The following SORCS1 variants were observed in gnomAD, a reference collection of about 807,000 sequenced individuals.
SORCS1 encodes sortilin related VPS10 domain containing receptor 1, also known as VPS10 domain-containing receptor SorCS1.
In SORCS1, 60 loss-of-function variants were observed where a neutral mutation model predicts 146.1. The ratio of observed to expected loss-of-function variants is 0.41; its 90% CI spans 0.33 to 0.51. SORCS1 has a LOEUF of 0.51. SORCS1 is among the 20% of genes least tolerant of loss of function. The probability of loss-of-function intolerance (pLI) is 0.21; values close to 1 mark genes in which losing one functional copy is unlikely to be tolerated. For synonymous variants in SORCS1, 637 were observed against 584.0 expected (o/e 1.09, Z -1.31); for missense variants, 1,352 against 1,487.6 (o/e 0.91, Z 1.50).
At chr10:106,871,287 T>C (rs1453842603) in intron 2 of SORCS1, among the ~76,000 whole-genome samples, 1 of 152,174 alleles carries the variant, frequency 6.6e-6, no homozygotes, top group Non-Finnish European at 1.5e-5. Context: ...TGGAAAGCAG[T>C]ATGGCGATTC....
rs1950200193 is a variant in SORCS1 at position 106,865,696 on chromosome 10, C to T, written c.627-36023G>A. Among the ~76,000 whole-genome samples the T allele has an allele frequency of 2.0e-5, 3 of 150,322 alleles. No individual in the cohort carries two copies. The South Asian group carries it at 6.3e-4, about 32-fold the overall frequency. ...CCAAGATTGTGCCATTTCACTCCAG[C>T]CTGGGCGAGAGAGCAAGACTCCATC... On this transcript the variant is annotated intron_variant, in intron 2 of 25. Coordinates refer to ENST00000263054, the MANE Select transcript of SORCS1 (RefSeq NM_052918.5).
intron 2 of SORCS1, among the ~76,000 whole-genome samples, chr10:106,909,768 T>C (rs574598005): frequency 1.6e-4 from 24 of 152,340 alleles, no homozygotes; most frequent in Non-Finnish European, 1.9e-4. Flanking sequence ...GGACCTCCAC[T>C]GTCCATGAAA....
At chr10:106,667,339 T>C (rs764767896) in intron 17 of SORCS1, 9 of 194,740 alleles carry the variant, frequency 4.6e-5, no homozygotes, top group Non-Finnish European at 8.5e-5. Flanking sequence ...ATATTAAATA[T>C]CTATTTGGCC....
At chr10:106,750,359 G>C (rs1442878328) in intron 5 of SORCS1, among the ~76,000 whole-genome samples, 1 of 152,100 alleles carries the variant, frequency 6.6e-6, no homozygotes, top group Non-Finnish European at 1.5e-5. Context: ...CGCATGAAAA[G>C]TGATGGGCTC....
At chr10:107,053,656 T>G (rs1393138987) in intron 1 of SORCS1, among the ~76,000 whole-genome samples, 1 of 152,202 alleles carries the variant, frequency 6.6e-6, no homozygotes, top group African/African-American at 2.4e-5. Flanking sequence ...CTGAAAACGC[T>G]TGCAAAAATC....
chr10:107,159,778 G>T lies in SORCS1; in HGVS notation c.558+4191C>A, dbSNP rs939120996. ...TAAGTACTGAGAGAAGGAATTACGT[G>T]GACTTGCTAGAGAAAGCTAAAATCT... On this transcript the variant is annotated intron_variant, in intron 1 of 25. Transcript: ENST00000263054. 2.0e-5 allele frequency among the ~76,000 whole-genome samples: 3 copies of T among 151,890 alleles called. No homozygotes were observed. The East Asian group carries it at 5.8e-4, about 29-fold the overall frequency.
At position 106,605,035 on chromosome 10, in the gene SORCS1, G is replaced by A. The variant is rs573372013; in HGVS notation, c.3165+2131C>T. ...AAACTAGAAACTGGTTGATATTTACGTAAACCTGTGTTCTAACAAAATAGA... is the reference window on the plus strand; with the variant it reads ...AAACTAGAAACTGGTTGATATTTACATAAACCTGTGTTCTAACAAAATAGA... On this transcript the variant is annotated intron_variant, in intron 23 of 25. Coordinates refer to ENST00000263054, the MANE Select transcript of SORCS1 (RefSeq NM_052918.5). Among the ~76,000 whole-genome samples the A allele has an allele frequency of 1.3e-4, 20 of 152,326 alleles. No individual in the cohort carries two copies. In the South Asian group the frequency reaches 1.9e-3, roughly 14 times the overall value.
intron 1 of SORCS1, among the ~76,000 whole-genome samples, chr10:106,970,334 C>A (rs1179753156): frequency 4.1e-5 from 3 of 73,620 alleles, no homozygotes; most frequent in African/African-American, 6.5e-5. Flanking sequence ...TAACCAACAT[C>A]TCTTTTTTTT....
intron 2 of SORCS1, among the ~76,000 whole-genome samples, chr10:106,847,665 A>C (rs1387032274): frequency 1.4e-4 from 10 of 72,814 alleles, no homozygotes; most frequent in African/African-American, 2.3e-4. Context: ...TAGTTCTTTT[A>C]ATTGTGATGT....
intron 1 of SORCS1, among the ~76,000 whole-genome samples, chr10:107,052,639 T>G (rs1054233346): frequency 6.6e-6 from 1 of 152,150 alleles, no homozygotes; most frequent in African/African-American, 2.4e-5. Context: ...ACAGAAACAC[T>G]TTCAGAACAA....
intron 3 of SORCS1, among the ~76,000 whole-genome samples, chr10:106,823,507 G>A (rs752834311): frequency 1.3e-5 from 2 of 152,160 alleles, no homozygotes; most frequent in African/African-American, 2.4e-5. Context: ...GTCCAAAAGC[G>A]AACCAAAGTT....
intron 9 of SORCS1, among the ~76,000 whole-genome samples, chr10:106,694,535 C>T (rs1853550234): frequency 6.6e-6 from 1 of 152,232 alleles, no homozygotes; most frequent in South Asian, 2.1e-4. Context: ...GCATGAGCCA[C>T]TGCACCTGGC....
At chr10:107,176,236 C>A in the SORCS1 span, among the ~76,000 whole-genome samples, 10 of 145,892 alleles carry the variant, frequency 6.9e-5, no homozygotes, top group Non-Finnish European at 1.1e-4. Flanking sequence ...TCCCTCCTTC[C>A]CTGTTTTCCT....
At chr10:106,750,417 A>G (rs912559469) in intron 5 of SORCS1, among the ~76,000 whole-genome samples, 2 of 152,062 alleles carry the variant, frequency 1.3e-5, no homozygotes, top group African/African-American at 4.8e-5. Flanking sequence ...AAAACTTGCT[A>G]ATCACAGGAA....
intron 1 of SORCS1, among the ~76,000 whole-genome samples, chr10:107,103,357 C>T (rs1453570512): frequency 5.3e-5 from 8 of 152,264 alleles, no homozygotes; most frequent in Middle Eastern, 3.4e-3. Context: ...GCAGTAGTCC[C>T]GACTAAGGTT....
chr10:106,779,296 G>C (rs925104394), intron 3 of SORCS1, among the ~76,000 whole-genome samples: 2 of 152,046 alleles, frequency 1.3e-5, no homozygotes, highest in African/African-American at 4.8e-5. Context: ...TTAAATTTCT[G>C]TTCAATTCTA....
chr10:106,918,417 C>G (rs1224763439), intron 2 of SORCS1, among the ~76,000 whole-genome samples: 2 of 152,168 alleles, frequency 1.3e-5, no homozygotes, highest in East Asian at 3.9e-4. Context: ...CCCGCCTCAG[C>G]CTCCCAAATT....
chr10:106,621,635 A>G (rs576551035), intron 19 of SORCS1, among the ~76,000 whole-genome samples: 1 of 151,874 alleles, frequency 6.6e-6, no homozygotes, highest in South Asian at 2.1e-4. Context: ...CCAGCAATCA[A>G]ATGTTCTCAA....
At chr10:106,630,285 A>G (rs1369612280) in intron 18 of SORCS1, among the ~76,000 whole-genome samples, 3 of 152,222 alleles carry the variant, frequency 2.0e-5, no homozygotes, top group Admixed American at 6.5e-5. Flanking sequence ...TTTATGCTTT[A>G]GCATTTCAAG....
Sources: allele counts gnomAD v4.1 joint callset (sites outside exome capture counted in the v4.1 genomes callset), GRCh38; gene constraint gnomAD v4.1.1; transcripts MANE v1.5; gene names NCBI Gene and HGNC (gene_info 2026-07-23, HGNC 2026-07-21).